Variants in CNTNAP5 observed in about 807,000 individuals in gnomAD.
The protein encoded by CNTNAP5 is contactin-associated protein-like 5.
A neutral mutation model predicts 150.2 loss-of-function variants in CNTNAP5; 72 were observed. The ratio of observed to expected loss-of-function variants is 0.48; its 90% confidence interval spans 0.40 to 0.58. The LOEUF is 0.58. Ranked by LOEUF, CNTNAP5 falls within the 20% of genes least tolerant of loss-of-function variation. The pLI is 0.00. For missense variants in CNTNAP5, 1,636 were observed against 1,626.2 expected (o/e 1.01, Z -0.10); for synonymous variants, 672 against 619.8 (o/e 1.08, Z -1.25).
intron 11 of CNTNAP5, among the ~76,000 whole-genome samples, chr2:124,571,587 C>T (rs1696162253): frequency 1.2e-5 from 1 of 81,758 alleles, no homozygotes; most frequent in Non-Finnish European, 2.3e-5. Context: ...GGCTAGAGTG[C>T]AGTGGTGCGA....
intron 3 of CNTNAP5, among the ~76,000 whole-genome samples, chr2:124,386,815 GTGT>G (rs1690939683): frequency 7.0e-6 from 1 of 142,596 alleles, no homozygotes; most frequent in Non-Finnish European, 1.5e-5. Flanking sequence ...GTGGATGTTT[GTGT>G]CCCCCCAGAA....
chr2:124,473,349 A>C (rs2104832206), intron 6 of CNTNAP5, among the ~76,000 whole-genome samples: 1 of 152,118 alleles, frequency 6.6e-6, no homozygotes, highest in African/African-American at 2.4e-5. Flanking sequence ...AAATTCTAAC[A>C]AACTAGTTAA....
At chr2:124,482,223 G>A (rs1450113370) in intron 7 of CNTNAP5, among the ~76,000 whole-genome samples, 9 of 152,290 alleles carry the variant, frequency 5.9e-5, no homozygotes, top group East Asian at 1.9e-4. Context: ...CACAGATCAC[G>A]GTGCTAGCAC....
chr2:124,728,944 G>T (rs1680215006), intron 13 of CNTNAP5, among the ~76,000 whole-genome samples: 1 of 151,852 alleles, frequency 6.6e-6, no homozygotes, highest in Non-Finnish European at 1.5e-5. Flanking sequence ...TTCCAAATAT[G>T]CTTAAAGTCT....
intron 3 of CNTNAP5, among the ~76,000 whole-genome samples, chr2:124,252,635 A>G (rs935281410): frequency 6.6e-6 from 1 of 152,202 alleles, no homozygotes; most frequent in South Asian, 2.1e-4. Context: ...CTTGAAATAC[A>G]TTTGTCATTT....
chr2:124,025,460 A>T lies in CNTNAP5; in HGVS notation c.-191A>T, dbSNP rs986261319. 1.3e-5 allele frequency: 8 copies of T among 603,792 alleles called. No homozygotes were observed. Among genetic ancestry groups the T allele is most frequent in the African/African-American group, 1.3e-4 (7 of 53,950 alleles). The allele number at this position is 603,792 out of a possible 1,614,324, so 37.4% of individuals were successfully genotyped here. On this transcript the variant is annotated 5_prime_UTR_variant, in exon 1 of 24. Transcript: ENST00000682447. Reference sequence around the variant, plus strand: ...TTGCGGGGACCGTAGCCCCAGCTGCAGCTCCGAAGAATCCCCCGCCACGGT... The same window carrying T: ...TTGCGGGGACCGTAGCCCCAGCTGCTGCTCCGAAGAATCCCCCGCCACGGT...
At chr2:124,561,275 G>A (rs926764739) in intron 10 of CNTNAP5, among the ~76,000 whole-genome samples, 7 of 152,126 alleles carry the variant, frequency 4.6e-5, no homozygotes, top group African/African-American at 1.4e-4. Context: ...ACAGCGTGTG[G>A]GGACAGGGGG....
intron 13 of CNTNAP5, among the ~76,000 whole-genome samples, chr2:124,711,665 A>AAAAC (rs981726360): frequency 1.4e-4 from 22 of 152,082 alleles, no homozygotes; most frequent in South Asian, 4.1e-4. Flanking sequence ...GTCTCTACTA[A>AAAAC]AAACAAACAA....
chr2:124,803,624 T>C lies in CNTNAP5; in HGVS notation c.3217+5304T>C, dbSNP rs553785675. Reference sequence around the variant, plus strand: ...CTGACTTTGCTTCAGGATTTCCTTTTTATCAATCTTTTTTTAAGCATATGC... The same window carrying C: ...CTGACTTTGCTTCAGGATTTCCTTTCTATCAATCTTTTTTTAAGCATATGC... On this transcript the variant is annotated intron_variant, in intron 19 of 23. Transcript: ENST00000682447. Among the ~76,000 whole-genome samples the C allele has an allele frequency of 2.3e-4, 35 of 152,320 alleles. No individual in the cohort carries two copies. In the South Asian group the frequency reaches 2.9e-3, roughly 13 times the overall value.
intron 12 of CNTNAP5, among the ~76,000 whole-genome samples, chr2:124,639,368 C>T (rs1239706700): frequency 3.3e-5 from 5 of 152,134 alleles, no homozygotes; most frequent in Non-Finnish European, 5.9e-5. Context: ...TAATTCTGCT[C>T]TTGTCTCTGA....
At chr2:124,458,199 AAT>A (rs35123483) in intron 6 of CNTNAP5, among the ~76,000 whole-genome samples, 88,435 of 141,670 alleles carry the variant, frequency 0.62, 27,994 homozygotes, top group Middle Eastern at 0.75. Context: ...TAAAGAAACT[AAT>A]ATATATATAT....
Position 124,661,126 on chromosome 2 carries a change from C to T in CNTNAP5, c.2077+13168C>T, listed in dbSNP as rs11899582. 8.4e-3 allele frequency among the ~76,000 whole-genome samples: 1,272 copies of T among 152,112 alleles called. 16 individuals carry two copies. Among genetic ancestry groups the T allele is most frequent in the African/African-American group, 0.029 (1,216 of 41,498 alleles). On this transcript the variant is annotated intron_variant, in intron 13 of 23. Transcript: ENST00000682447. ...CACTGTACACTTTATAAACACTGCA[C>T]ACTTAGGCTACACTACATTTAAAAA...
At chr2:124,408,641 G>A (rs932066351) in intron 3 of CNTNAP5, among the ~76,000 whole-genome samples, 1 of 151,704 alleles carries the variant, frequency 6.6e-6, no homozygotes. Context: ...CACCTCACAA[G>A]GCAGGGTATT....
chr2:124,899,841 C>T (rs991482581), intron 21 of CNTNAP5, among the ~76,000 whole-genome samples: 3 of 151,432 alleles, frequency 2.0e-5, no homozygotes, highest in Admixed American at 6.6e-5. Context: ...TTAGGAAATA[C>T]ATTTGTCTTT....
intron 16 of CNTNAP5, among the ~76,000 whole-genome samples, chr2:124,771,605 TAG>T (rs1681193586): frequency 2.0e-5 from 3 of 152,110 alleles, no homozygotes; most frequent in Admixed American, 2.0e-4. Flanking sequence ...GTGCCTGGCA[TAG>T]AGTTTGTTGT....
chr2:124,576,748 G>T (rs147177439), intron 11 of CNTNAP5, among the ~76,000 whole-genome samples: 1 of 152,138 alleles, frequency 6.6e-6, no homozygotes, highest in South Asian at 2.1e-4. Context: ...TTCTCAGAAC[G>T]TTAGTTCTCT....
At chr2:124,437,585 T>C (rs978355023) in intron 5 of CNTNAP5, among the ~76,000 whole-genome samples, 1 of 152,188 alleles carries the variant, frequency 6.6e-6, no homozygotes, top group Non-Finnish European at 1.5e-5. Context: ...ACAACCTGGT[T>C]ATCTCTTTTA....
intron 13 of CNTNAP5, among the ~76,000 whole-genome samples, chr2:124,667,232 A>G (rs1355344578): frequency 6.6e-6 from 1 of 152,164 alleles, no homozygotes; most frequent in Non-Finnish European, 1.5e-5. Context: ...ATTGATTAGC[A>G]CCAGAAAAGT....
chr2:124,139,797 G>C (rs950651017), intron 1 of CNTNAP5, among the ~76,000 whole-genome samples: 2 of 152,134 alleles, frequency 1.3e-5, no homozygotes. Flanking sequence ...CAAGATGGCC[G>C]AATAGGAACA....
Sources: allele counts gnomAD v4.1 joint callset (sites outside exome capture counted in the v4.1 genomes callset), GRCh38; gene constraint gnomAD v4.1.1; transcripts MANE v1.5; gene names NCBI Gene and HGNC (gene_info 2026-07-23, HGNC 2026-07-21).